The following ACO1 variants were observed in gnomAD, a reference collection of about 807,000 sequenced individuals.
ACO1 encodes cytoplasmic aconitate hydratase.
ACO1 carries 78 observed loss-of-function variants against 105.1 expected under a neutral mutation model. That is an observed-to-expected ratio of 0.74 (90% CI 0.62 to 0.90). ACO1 has a LOEUF of 0.90. Among genes scored for constraint, ACO1 ranks in the 40% least tolerant of loss-of-function variants. The pLI, the probability that ACO1 is intolerant of heterozygous loss-of-function variation, is 0.00. For synonymous variants in ACO1, 364 were observed against 397.4 expected, an observed-to-expected ratio of 0.92 and a Z score of 1.00; for missense variants, 965 against 1,111.1, an observed-to-expected ratio of 0.87 and a Z score of 1.87.
chr9:32,418,304 G>A, intron 5 of ACO1, 24 bp from the exon 6 acceptor site: 1 of 1,613,776 alleles, frequency 6.2e-7, no homozygotes, highest in Non-Finnish European at 8.5e-7. Context: ...CGTTCATAGT[G>A]TTCTTTCCAT....
chr9:32,451,380 CTCTCATG>C lies in ACO1; in HGVS notation c.*1274_*1280del, dbSNP rs1335383085. ...CCTGGTGGGGGAGAGAGAAAATAGG[CTCTCATG>C]TCTCTTCTTACAGCAACACTAATTG... On this transcript the variant is annotated 3_prime_UTR_variant, in exon 21 of 21. Coordinates refer to ENST00000309951, the MANE Select transcript of ACO1 (RefSeq NM_002197.3). 1.3e-5 allele frequency: 2 copies of C among 152,142 alleles called. No homozygotes were observed. Among genetic ancestry groups the C allele is most frequent in the African/African-American group, 4.8e-5 (2 of 41,416 alleles). The allele number at this position is 152,142 out of a possible 1,614,324, so 9.4% of individuals were successfully genotyped here. A position where few individuals can be genotyped will look rare whatever the true frequency, so the allele number is the denominator to read the frequency against.
chr9:32,424,408 A>G, intron 9 of ACO1, 141 bp from the exon 10 acceptor site: 1 of 642,644 alleles, frequency 1.6e-6, no homozygotes, highest in South Asian at 2.0e-5. Flanking sequence ...TAAGAGAAAC[A>G]CTGGCTTCCT....
chr9:32,448,542 G>C (rs184277783), intron 19 of ACO1, among the ~76,000 whole-genome samples: 1 of 152,336 alleles, frequency 6.6e-6, no homozygotes, highest in African/African-American at 2.4e-5. Flanking sequence ...GAAAAGCGCA[G>C]TATCTGGGCC....
rs571194728 is a variant in ACO1, at chr9:32,418,053, T to C, written c.405-75T>C. 26 of 1,353,434 alleles carry C rather than the reference T, an allele frequency of 1.9e-5. No individual in the cohort carries two copies. In the African/African-American group the frequency reaches 3.7e-4, roughly 19 times the overall value. 83.8% of individuals were successfully genotyped at this position (1,353,434 alleles called of 1,614,324 possible). ...CAAGGAGATGCAATTCCATTTTGTT[T>C]CTTCATCACCAATAAATTTGACCAC... is the stretch of plus-strand genomic sequence containing the variant. On this transcript the variant is annotated intron_variant, in intron 4 of 20. Coordinates refer to ENST00000309951, the MANE Select transcript of ACO1 (RefSeq NM_002197.3).
chr9:32,431,659 G>T, intron 14 of ACO1, 60 bp from the exon 15 acceptor site: 1 of 1,591,774 alleles, frequency 6.3e-7, no homozygotes, highest in Non-Finnish European at 8.6e-7. Flanking sequence ...GCTTGACTCT[G>T]TATAATCATG....
intron 1 of ACO1, among the ~76,000 whole-genome samples, chr9:32,395,781 C>G (rs935089458): frequency 6.6e-6 from 1 of 152,208 alleles, no homozygotes; most frequent in Non-Finnish European, 1.5e-5. Flanking sequence ...TCGAAGTTCA[C>G]CAAGACTTTT....
chr9:32,410,925 T>C (rs1236319696), intron 4 of ACO1, among the ~76,000 whole-genome samples: 1 of 152,174 alleles, frequency 6.6e-6, no homozygotes, highest in Non-Finnish European at 1.5e-5. Flanking sequence ...CACTGAACCA[T>C]ACATCTGCAG....
chr9:32,443,326 A>C (rs2118564958), intron 19 of ACO1, among the ~76,000 whole-genome samples: 1 of 152,314 alleles, frequency 6.6e-6, no homozygotes, highest in South Asian at 2.1e-4. Context: ...TGGCAAAATT[A>C]GGCTGAAGCA....
At chr9:32,421,377 C>G (rs964692138) in intron 8 of ACO1, among the ~76,000 whole-genome samples, 2 of 152,116 alleles carry the variant, frequency 1.3e-5, no homozygotes, top group Non-Finnish European at 2.9e-5. Flanking sequence ...CTGTCAACCT[C>G]TTTACAGATC....
chr9:32,427,500 G>A (rs1172435634), intron 12 of ACO1, 64 bp downstream of exon 12: 3 of 1,595,678 alleles, frequency 1.9e-6, no homozygotes, highest in Non-Finnish European at 8.6e-7. Context: ...GTATCTTGCT[G>A]TGTCACCTTG....
At chr9:32,440,373 C>T in intron 18 of ACO1, 92 bp from the exon 19 acceptor site, 2 of 1,488,938 alleles carry the variant, frequency 1.3e-6, no homozygotes, top group Non-Finnish European at 1.8e-6. Flanking sequence ...CATCTGCAAA[C>T]CCATCCAGCC....
rs757649438 is a variant in ACO1, at chr9:32,407,376, C to A, written c.213C>A (p.His71Gln). ...ENILHWNVTQ[H>Q]KNIEVPFKPA... Reference sequence around the variant, plus strand: ...TTCTACATTGGAATGTCACGCAGCACAAGAACATAGAAGTGCCATTTAAGC... The same window carrying A: ...TTCTACATTGGAATGTCACGCAGCAAAAGAACATAGAAGTGCCATTTAAGC... Residue 71 changes from histidine (H) to glutamine (Q), a missense_variant, in exon 3 of 21, where the codon CAC (histidine) becomes CAA (glutamine). Transcript: ENST00000309951. The A allele has an allele frequency of 1.2e-6, 2 of 1,614,108 alleles. No individual in the cohort carries two copies. Among genetic ancestry groups the A allele is most frequent in the Non-Finnish European group, 1.7e-6 (2 of 1,180,012 alleles).
intron 20 of ACO1, among the ~76,000 whole-genome samples, chr9:32,449,326 C>G (rs906574829): frequency 9.9e-5 from 15 of 152,140 alleles, no homozygotes; most frequent in African/African-American, 2.7e-4. Flanking sequence ...CCTCCCACCC[C>G]CTACTGTACC....
At chr9:32,436,606 G>A (rs1204130587) in intron 18 of ACO1, among the ~76,000 whole-genome samples, 3 of 152,164 alleles carry the variant, frequency 2.0e-5, no homozygotes, top group Non-Finnish European at 4.4e-5. Flanking sequence ...ATTCTAGACC[G>A]TGGTTTCACT....
At chr9:32,440,685 A>G in intron 19 of ACO1, 98 bp downstream of exon 19, 5 of 1,458,332 alleles carry the variant, frequency 3.4e-6, no homozygotes, top group Non-Finnish European at 3.7e-6. Flanking sequence ...GAAGATGTCA[A>G]GGAAGAGCAA....
Position 32,424,751 on chromosome 9 carries a change from A to T in ACO1, c.1188+86A>T. The T allele has an allele frequency of 4.5e-6, 4 of 888,118 alleles. No homozygotes were observed. The South Asian group carries it at 6.0e-5, about 13-fold the overall frequency. 55.0% of individuals were successfully genotyped at this position (888,118 alleles called of 1,614,324 possible). Reference sequence around the variant, plus strand: ...CGTCCAGGCTTTCATCCCACTTGACATGAATCTTCCTGTAGCCTGAAGCTT... The same window carrying T: ...CGTCCAGGCTTTCATCCCACTTGACTTGAATCTTCCTGTAGCCTGAAGCTT... On this transcript the variant is annotated intron_variant, in intron 10 of 20. Coordinates refer to ENST00000309951, the MANE Select transcript of ACO1 (RefSeq NM_002197.3).
chr9:32,418,567 T>A (rs1217628764), intron 6 of ACO1, 56 bp downstream of exon 6: 8 of 1,509,064 alleles, frequency 5.3e-6, no homozygotes, highest in Non-Finnish European at 9.0e-7. Flanking sequence ...TCACTGTGAT[T>A]CTATTACATC....
At chr9:32,392,517 C>G (rs1408506643) in intron 1 of ACO1, among the ~76,000 whole-genome samples, 1 of 152,174 alleles carries the variant, frequency 6.6e-6, no homozygotes, top group Admixed American at 6.5e-5. Context: ...TGCTGTTCTT[C>G]CCAGCTTCTG....
chr9:32,400,037 C>G (rs971087672), intron 1 of ACO1, among the ~76,000 whole-genome samples: 3 of 125,156 alleles, frequency 2.4e-5, no homozygotes, highest in African/African-American at 9.5e-5. Flanking sequence ...ATGGCACGAT[C>G]TTGGTTCACT....
Sources: allele counts gnomAD v4.1 joint callset (sites outside exome capture counted in the v4.1 genomes callset), GRCh38; gene constraint gnomAD v4.1.1; transcripts MANE v1.5; gene names NCBI Gene and HGNC (gene_info 2026-07-23, HGNC 2026-07-21).